The following CDNF variants were observed in gnomAD, a reference collection of about 807,000 sequenced individuals.
The protein encoded by CDNF is cerebral dopamine neurotrophic factor, also known as ARMET-like protein 1.
A neutral mutation model predicts 14.8 loss-of-function variants in CDNF; 9 were observed. The observed-to-expected ratio is 0.61, with a 90% CI of 0.37 to 1.06. The LOEUF is 1.06. Among genes scored for constraint, CDNF ranks in the 50% least tolerant of loss-of-function variants. CDNF has a pLI of 0.01. For missense variants in CDNF, 228 were observed against 228.4 expected (o/e 1.00, Z 0.01); for synonymous variants, 86 against 87.2 (o/e 0.99, Z 0.07).
At chr10:14,824,966 T>C (rs1368250521) in intron 3 of CDNF, among the ~76,000 whole-genome samples, 1 of 152,094 alleles carries the variant, frequency 6.6e-6, no homozygotes, top group Non-Finnish European at 1.5e-5. Flanking sequence ...GCAATTTTTT[T>C]TTTTTAAGAC....
chr10:14,829,686 A>G (rs1833828397), intron 1 of CDNF, among the ~76,000 whole-genome samples: 1 of 152,050 alleles, frequency 6.6e-6, no homozygotes, highest in African/African-American at 2.4e-5. Flanking sequence ...CTTAAGTGCA[A>G]TGGCGCAATC....
At chr10:14,824,981 T>G (rs1023204277) in intron 3 of CDNF, among the ~76,000 whole-genome samples, 14 of 151,328 alleles carry the variant, frequency 9.3e-5, no homozygotes, top group Non-Finnish European at 1.8e-4. Context: ...TAAGACAGAG[T>G]CTTGCTCTAT....
At chr10:14,828,491 C>CA (rs1228363518) in intron 1 of CDNF, among the ~76,000 whole-genome samples, 3 of 151,860 alleles carry the variant, frequency 2.0e-5, no homozygotes, top group African/African-American at 7.3e-5. Context: ...TACTAAAATA[C>CA]AAAAAATTAG....
chr10:14,824,499 G>A (rs996043388), intron 3 of CDNF, among the ~76,000 whole-genome samples: 7 of 151,636 alleles, frequency 4.6e-5, no homozygotes, highest in East Asian at 3.9e-4. Flanking sequence ...CCAGCTACTC[G>A]GGAGGCTCCG....
chr10:14,828,403 C>G (rs1588796683), intron 1 of CDNF, 131 bp from the exon 2 acceptor site: 1 of 772,758 alleles, frequency 1.3e-6, no homozygotes, highest in East Asian at 2.5e-5. Flanking sequence ...AATCCTAGCA[C>G]TTTGAGAGGC....
In CDNF at chr10:14,837,936, G is replaced by C. The variant is rs1361492288; in HGVS notation, c.11C>G (p.Ala4Gly). The C allele has an allele frequency of 1.3e-6, 2 of 1,598,156 alleles. No homozygotes were observed. Among genetic ancestry groups the C allele is most frequent in the Non-Finnish European group, 1.7e-6 (2 of 1,173,928 alleles). The change falls in exon 1 of 4, where the codon GCG (alanine) becomes GGG (glycine). Residue 4 changes from alanine (A) to glycine (G), a missense_variant. Transcript: ENST00000465530. MWCASPVAVVAFCA... is the reference protein window; with the variant it reads MWCGSPVAVVAFCA... ...AAAGGCCACCACAGCAACTGGGCTC[G>C]CGCACCACATGCTGGGCCAGCAGCT...
intron 1 of CDNF, among the ~76,000 whole-genome samples, chr10:14,833,836 G>A (rs1157024849): frequency 6.6e-6 from 1 of 152,144 alleles, no homozygotes; most frequent in Non-Finnish European, 1.5e-5. Context: ...AGACGGAAAG[G>A]AGCAGCCAGT....
intron 3 of CDNF, 77 bp from the exon 4 acceptor site, chr10:14,820,235 A>C: frequency 6.9e-7 from 1 of 1,444,018 alleles, no homozygotes; most frequent in Non-Finnish European, 9.5e-7. Context: ...CAAAAGGCAT[A>C]TAGTTTGCTT....
chr10:14,832,067 G>C (rs1262780089), intron 1 of CDNF, among the ~76,000 whole-genome samples: 1 of 152,166 alleles, frequency 6.6e-6, no homozygotes, highest in African/African-American at 2.4e-5. Flanking sequence ...AAAGGTATAC[G>C]TAGCAAAGAA....
At chr10:14,821,155 C>T (rs1256075270) in intron 3 of CDNF, among the ~76,000 whole-genome samples, 2 of 151,476 alleles carry the variant, frequency 1.3e-5, no homozygotes, top group African/African-American at 4.9e-5. Context: ...GACGGAGTCT[C>T]GCTTAGCCAC....
rs1833725673 is a variant in CDNF at position 14,820,122 on chromosome 10, T to G, written c.422A>C (p.Lys141Thr). The part of the protein sequence containing the change: ...TLDLASVDLR[K>T]MRVAELKQIL... ...CTGCTTCAGCTCTGCCACTCTCATCTTCCGCAGGTCAACTGATGCCAAGTC... is the reference window on the plus strand; with the variant it reads ...CTGCTTCAGCTCTGCCACTCTCATCGTCCGCAGGTCAACTGATGCCAAGTC... Residue 141 changes from lysine to threonine, a missense_variant, in exon 4 of 4, where the codon AAG becomes ACG. Physicochemically the swap from Lys to Thr is moderately conservative, Grantham distance 78. Transcript: ENST00000465530. The G allele has an allele frequency of 1.9e-6, 3 of 1,614,202 alleles. No homozygotes were observed. Among genetic ancestry groups the G allele is most frequent in the Non-Finnish European group, 2.5e-6 (3 of 1,180,026 alleles).
At chr10:14,835,764 C>T (rs1003247848) in intron 1 of CDNF, among the ~76,000 whole-genome samples, 2 of 152,094 alleles carry the variant, frequency 1.3e-5, no homozygotes, top group Admixed American at 6.5e-5. Context: ...CCTCACATTA[C>T]CTAATAATAG....
chr10:14,830,540 C>G (rs1833836230), intron 1 of CDNF, among the ~76,000 whole-genome samples: 1 of 151,736 alleles, frequency 6.6e-6, no homozygotes, highest in African/African-American at 2.4e-5. Flanking sequence ...ATGTGGGTTC[C>G]TGTAAGTAAG....
Position 14,820,172 on chromosome 10 carries a change from AGG to A in CDNF, c.386-16_386-15del. ...CCAGTGTTTTTTCTAAATGGCAAAA[AGG>A]AAAAAAGCCAATTACAAAATAAATG... On this transcript the variant is annotated splice_polypyrimidine_tract_variant and intron_variant, in intron 3 of 3. Coordinates refer to ENST00000465530, the MANE Select transcript of CDNF (RefSeq NM_001029954.3). The A allele has an allele frequency of 6.2e-7, 1 of 1,606,398 alleles. No individual in the cohort carries two copies. Among genetic ancestry groups the A allele is most frequent in the Admixed American group, 1.7e-5 (1 of 57,456 alleles).
intron 3 of CDNF, among the ~76,000 whole-genome samples, chr10:14,821,414 G>A (rs955053751): frequency 4.6e-5 from 7 of 152,286 alleles, no homozygotes; most frequent in Middle Eastern, 3.4e-3. Context: ...GTGAGCCACC[G>A]CGCCTGGCCA....
intron 1 of CDNF, among the ~76,000 whole-genome samples, chr10:14,836,491 T>C (rs1027255138): frequency 6.6e-6 from 1 of 152,254 alleles, no homozygotes; most frequent in African/African-American, 2.4e-5. Context: ...TTTAAAAGTA[T>C]AGGACACAAT....
Position 14,828,148 on chromosome 10 carries a change from G to A in CDNF, c.240C>T (p.Arg80=). The change falls in exon 2 of 4, where the codon CGC becomes CGT. Residue 80 remains arginine (R), a synonymous_variant. Transcript: ENST00000465530. ...FCLDTKGKEN[R]LCYYLGATKD... ...TGAAAGGTGAAATTTACTATACCAG[G>A]CGGTTTTCTTTTCCTTTGGTGTCCA... 6.2e-7 allele frequency: 1 copy of A among 1,613,704 alleles called. No individual in the cohort carries two copies. Among genetic ancestry groups the A allele is most frequent in the South Asian group, 1.1e-5 (1 of 91,042 alleles).
chr10:14,819,957 C>G lies in CDNF; in HGVS notation c.*23G>C, dbSNP rs1295833384. 3.7e-6 allele frequency: 6 copies of G among 1,604,828 alleles called. No homozygotes were observed. Among genetic ancestry groups the G allele is most frequent in the South Asian group, 2.2e-5 (2 of 89,780 alleles). On this transcript the variant is annotated 3_prime_UTR_variant, in exon 4 of 4. Transcript: ENST00000465530. ...GTCACTTTTCTCTCTAATTACAAGT[C>G]ACAAATGTGCTGGCATTGGAGATCA...
Position 14,820,134 on chromosome 10 carries a change from A to G in CDNF, c.410T>C (p.Val137Ala). 2 of 1,612,416 alleles carry G rather than the reference A, an allele frequency of 1.2e-6. No individual in the cohort carries two copies. The highest frequency in any genetic ancestry group is 1.7e-6 in the Non-Finnish European group (2 of 1,179,606). The change falls in exon 4 of 4, where the codon GTT (valine) becomes GCT (alanine). Residue 137 changes from valine to alanine, a missense_variant. Transcript: ENST00000465530. The part of the protein sequence containing the change: ...KYEKTLDLAS[V>A]DLRKMRVAEL... ...TGCCACTCTCATCTTCCGCAGGTCAACTGATGCCAAGTCCAGTGTTTTTTC... is the reference window on the plus strand; with the variant it reads ...TGCCACTCTCATCTTCCGCAGGTCAGCTGATGCCAAGTCCAGTGTTTTTTC...
Sources: gnomAD v4.1 joint callset for allele counts (sites outside exome capture counted in the v4.1 genomes callset) on GRCh38, gnomAD v4.1.1 for gene constraint, MANE v1.5 for transcripts, NCBI Gene and HGNC (gene_info 2026-07-23, HGNC 2026-07-21) for gene names.